Variants in ZEB1 observed in about 807,000 individuals in gnomAD.
ZEB1 encodes zinc finger E-box binding homeobox 1.
In ZEB1, 21 loss-of-function variants were observed where a neutral mutation model predicts 84.9. The ratio of observed to expected loss-of-function variants is 0.25; its 90% confidence interval spans 0.18 to 0.36. The LOEUF is 0.36. Among genes scored for constraint, ZEB1 ranks in the 10% least tolerant of loss-of-function variants. ZEB1 has a pLI of 1.00. For synonymous variants in ZEB1, 420 were observed against 471.1 expected, an observed-to-expected ratio of 0.89 and a Z score of 1.41; for missense variants, 1,104 against 1,330.2, an observed-to-expected ratio of 0.83 and a Z score of 2.65.
At chr10:31,344,748 G>A (rs577430388) in intron 1 of ZEB1, among the ~76,000 whole-genome samples, 1 of 152,042 alleles carries the variant, frequency 6.6e-6, no homozygotes, top group South Asian at 2.1e-4. Flanking sequence ...TTTAGACTCC[G>A]ATTGTGGGAA....
At chr10:31,356,074 G>A (rs2042072457) in intron 1 of ZEB1, among the ~76,000 whole-genome samples, 1 of 151,982 alleles carries the variant, frequency 6.6e-6, no homozygotes, top group Non-Finnish European at 1.5e-5. Context: ...ACTATTAATA[G>A]TATTGTTATT....
At chr10:31,328,507 A>G (rs2036076205) in intron 1 of ZEB1, among the ~76,000 whole-genome samples, 1 of 152,190 alleles carries the variant, frequency 6.6e-6, no homozygotes, top group African/African-American at 2.4e-5. Context: ...CCTTTTGACC[A>G]GTATTAACTC....
intron 1 of ZEB1, among the ~76,000 whole-genome samples, chr10:31,372,578 G>A (rs1400563494): frequency 1.3e-5 from 2 of 152,096 alleles, no homozygotes; most frequent in African/African-American, 2.4e-5. Flanking sequence ...GCAGGATTAC[G>A]CTAAAGTGTA....
At chr10:31,348,623 C>G (rs1476041362) in intron 1 of ZEB1, among the ~76,000 whole-genome samples, 1 of 151,940 alleles carries the variant, frequency 6.6e-6, no homozygotes, top group Non-Finnish European at 1.5e-5. Context: ...GATAGACACT[C>G]CTCCTGAGAC....
chr10:31,404,128 A>G (rs1295336167), intron 1 of ZEB1, among the ~76,000 whole-genome samples: 2 of 152,116 alleles, frequency 1.3e-5, no homozygotes, highest in Non-Finnish European at 2.9e-5. Flanking sequence ...AAGAGCAGGA[A>G]CAATGTACTT....
At chr10:31,360,611 GAATAA>G (rs1173856050) in intron 1 of ZEB1, among the ~76,000 whole-genome samples, 1 of 152,150 alleles carries the variant, frequency 6.6e-6, no homozygotes, top group East Asian at 1.9e-4. Context: ...TGGATCAGAT[GAATAA>G]AATGTGCTGA....
At chr10:31,458,493 G>C (rs73262018) in intron 1 of ZEB1, among the ~76,000 whole-genome samples, 141 of 152,020 alleles carry the variant, frequency 9.3e-4, no homozygotes, top group African/African-American at 3.3e-3. Context: ...ACTTCACTCT[G>C]CTTGTAGTGT....
intron 1 of ZEB1, among the ~76,000 whole-genome samples, chr10:31,405,459 G>A (rs1362518157): frequency 6.6e-6 from 1 of 152,022 alleles, no homozygotes; most frequent in African/African-American, 2.4e-5. Context: ...AAAGCCTGAT[G>A]CTTTATATTC....
At chr10:31,452,576 C>T (rs1396848812) in intron 1 of ZEB1, among the ~76,000 whole-genome samples, 1 of 152,002 alleles carries the variant, frequency 6.6e-6, no homozygotes, top group Non-Finnish European at 1.5e-5. Context: ...GTTGCTAACA[C>T]TTAAGTATAT....
intron 1 of ZEB1, among the ~76,000 whole-genome samples, chr10:31,330,854 A>G (rs1590000120): frequency 6.6e-6 from 1 of 150,916 alleles, no homozygotes; most frequent in Admixed American, 6.6e-5. Context: ...GTTTTATTTT[A>G]TCACCTATTC....
At chr10:31,322,051 A>G (rs1338069887) in intron 1 of ZEB1, 1 of 170,362 alleles carries the variant, frequency 5.9e-6, no homozygotes, top group Non-Finnish European at 1.3e-5. Context: ...CTCAGAAAAC[A>G]AAAGGTGTTT....
chr10:31,398,720 T>C (rs1445257371), intron 1 of ZEB1, among the ~76,000 whole-genome samples: 1 of 152,182 alleles, frequency 6.6e-6, no homozygotes, highest in Non-Finnish European at 1.5e-5. Flanking sequence ...AGTCTTCCTC[T>C]TATTTGACCT....
intron 2 of ZEB1, among the ~76,000 whole-genome samples, chr10:31,474,818 C>T (rs979465705): frequency 6.6e-6 from 1 of 151,994 alleles, no homozygotes; most frequent in African/African-American, 2.4e-5. Flanking sequence ...ACCCAAATGT[C>T]CAACAATGAT....
intron 1 of ZEB1, among the ~76,000 whole-genome samples, chr10:31,445,381 T>A (rs1455401930): frequency 3.4e-5 from 5 of 149,160 alleles, no homozygotes; most frequent in Non-Finnish European, 5.9e-5. Flanking sequence ...TTTGACTTCC[T>A]CTTTTCCTAA....
rs1169710156 is a variant in ZEB1, at chr10:31,470,858, G to T, written c.259+9621G>T. On this transcript the variant is annotated intron_variant, in intron 2 of 8. Transcript: ENST00000424869. ...AAGGGAAGCCCATCAGACTAACAGC[G>T]GATCTCTCGGCAGAAACCCTACAAG... Among the ~76,000 whole-genome samples the T allele has an allele frequency of 4.3e-3, 478 of 111,252 alleles. 2 individuals carry two copies. Among genetic ancestry groups the T allele is most frequent in the African/African-American group, 0.01 (289 of 27,704 alleles). 73.0% of individuals were successfully genotyped at this position (111,252 alleles called of 152,430 possible). A position where few individuals can be genotyped will look rare whatever the true frequency, so the allele number is the denominator to read the frequency against.
At chr10:31,466,242 G>C (rs1195741995) in intron 2 of ZEB1, among the ~76,000 whole-genome samples, 1 of 152,058 alleles carries the variant, frequency 6.6e-6, no homozygotes, top group Non-Finnish European at 1.5e-5. Flanking sequence ...AGAAACAGTG[G>C]ATTTGAACAA....
chr10:31,527,618 A>C lies in ZEB1; in HGVS notation c.*354A>C, dbSNP rs372771766. On this transcript the variant is annotated 3_prime_UTR_variant, in exon 9 of 9. Coordinates refer to ENST00000424869, the MANE Select transcript of ZEB1 (RefSeq NM_001174096.2). ...CTGATTAATTAGATATGCATCTGGC[A>C]TTGTTTTATCTTATCAGTATTATCA... 2.0e-5 allele frequency: 5 copies of C among 249,456 alleles called. No homozygotes were observed. The East Asian group carries it at 4.7e-4, about 23-fold the overall frequency. 15.5% of individuals were successfully genotyped at this position (249,456 alleles called of 1,614,324 possible). A position where few individuals can be genotyped will look rare whatever the true frequency, so the allele number is the denominator to read the frequency against.
intron 1 of ZEB1, among the ~76,000 whole-genome samples, chr10:31,430,826 A>AC (rs1491193886): frequency 1.3e-5 from 2 of 150,722 alleles, no homozygotes; most frequent in Non-Finnish European, 3.0e-5. Flanking sequence ...AATTGAAAAC[A>AC]GAGGCTTTAG....
intron 1 of ZEB1, among the ~76,000 whole-genome samples, chr10:31,330,570 T>G (rs1184722896): frequency 6.6e-6 from 1 of 152,194 alleles, no homozygotes; most frequent in Non-Finnish European, 1.5e-5. Flanking sequence ...GCTTTTATCT[T>G]TAGATGGGGA....
Sources: gnomAD v4.1 joint callset for allele counts (sites outside exome capture counted in the v4.1 genomes callset) on GRCh38, gnomAD v4.1.1 for gene constraint, MANE v1.5 for transcripts, NCBI Gene and HGNC (gene_info 2026-07-23, HGNC 2026-07-21) for gene names.